Variants in NRK observed in about 807,000 individuals in gnomAD.
NRK encodes the protein Nik related kinase.
NRK carries 67 observed loss-of-function variants against 125.2 expected under a neutral mutation model. The ratio of observed to expected loss-of-function variants is 0.54; its 90% CI spans 0.44 to 0.66. The LOEUF is 0.66. Ranked by LOEUF, NRK falls within the 30% of genes least tolerant of loss-of-function variation. The probability of loss-of-function intolerance (pLI) is 0.00; values close to 1 mark genes in which losing one functional copy is unlikely to be tolerated. For synonymous variants in NRK, 458 were observed against 429.0 expected (o/e 1.07, Z -0.84); for missense variants, 1,224 against 1,192.9 (o/e 1.03, Z -0.38).
intron 16 of NRK, among the ~76,000 whole-genome samples, chrX:105,920,159 C>T (rs1193325549): frequency 2.9e-4 from 30 of 103,189 alleles, no homozygotes; most frequent in East Asian, 1.2e-3. Flanking sequence ...GAATCCTTTC[C>T]CCATTGCTTG....
chrX:105,886,024 T>C (rs1171957545), intron 4 of NRK, among the ~76,000 whole-genome samples: 1 of 110,404 alleles, frequency 9.1e-6, no homozygotes, highest in Non-Finnish European at 1.9e-5. Flanking sequence ...ATGCCTATGG[T>C]AGGTGTTTTT....
In NRK at chrX:105,944,033, G is replaced by A. The variant is rs771829090; in HGVS notation, c.4051G>A (p.Ala1351Thr). 9.2e-7 allele frequency: 1 copy of A among 1,081,280 alleles called. No homozygotes were observed. The highest frequency in any genetic ancestry group is 2.0e-5 in the South Asian group (1 of 48,882). The allele number at this position is 1,081,280 out of a possible 1,213,427, so 89.1% of individuals were successfully genotyped here. ...ACCAAAGTCCTTTGATGAAAGCACTGCTATTAAAGTGAGTGAGCTCCTTTT... is the reference window on the plus strand; with the variant it reads ...ACCAAAGTCCTTTGATGAAAGCACTACTATTAAAGTGAGTGAGCTCCTTTT... Reference protein sequence around the residue: ...WAPKSFDESTAIKVCIDQSAD... With the variant: ...WAPKSFDESTTIKVCIDQSAD... Residue 1351 changes from alanine to threonine, a missense_variant, in exon 24 of 29, where the codon GCT (alanine) becomes ACT (threonine). Coordinates refer to ENST00000243300, the MANE Select transcript of NRK (RefSeq NM_198465.4).
chrX:105,895,363 C>CAGAAAGAAAGAA (rs111844831), intron 6 of NRK, 70 bp from the exon 7 acceptor site: 41 of 776,607 alleles, frequency 5.3e-5, no homozygotes, highest in Middle Eastern at 2.9e-4. Flanking sequence ...AGAACTGTAC[C>CAGAAAGAAAGAA]AGAAAGAAAG....
chrX:105,862,042 G>A (rs747112758), intron 2 of NRK, among the ~76,000 whole-genome samples: 5 of 109,876 alleles, frequency 4.6e-5, no homozygotes, highest in Admixed American at 9.6e-5. Flanking sequence ...CAGCCTGTGC[G>A]GCACAGCAAG....
chrX:105,822,729 C>T lies in NRK; in HGVS notation c.-117C>T. 1.4e-6 allele frequency: 1 copy of T among 697,056 alleles called. No homozygotes were observed. The highest frequency in any genetic ancestry group is 2.3e-6 in the Non-Finnish European group (1 of 444,429). The allele number at this position is 697,056 out of a possible 1,213,427, so 57.4% of individuals were successfully genotyped here. A position where few individuals can be genotyped will look rare whatever the true frequency, so the allele number is the denominator to read the frequency against. On this transcript the variant is annotated 5_prime_UTR_variant, in exon 1 of 29. Transcript: ENST00000243300. Reference sequence around the variant, plus strand: ...CACGCCACGAACCCCGATCCCCAGACTCCTCTCTCCCGCCCTCCTCCTTCC... The same window carrying T: ...CACGCCACGAACCCCGATCCCCAGATTCCTCTCTCCCGCCCTCCTCCTTCC...
At chrX:105,944,298 A>G (rs1328178163) in intron 24 of NRK, among the ~76,000 whole-genome samples, 1 of 111,227 alleles carries the variant, frequency 9.0e-6, no homozygotes, top group Non-Finnish European at 1.9e-5. Flanking sequence ...GGCTCAAGCC[A>G]TCCTCCCACC....
chrX:105,854,601 T>C (rs1169345512), intron 2 of NRK, among the ~76,000 whole-genome samples: 1 of 111,985 alleles, frequency 8.9e-6, no homozygotes, highest in Admixed American at 9.5e-5. Flanking sequence ...TGAGCCCAAG[T>C]TGACTGAACC....
At chrX:105,881,240 G>A (rs1406541849) in intron 3 of NRK, among the ~76,000 whole-genome samples, 1 of 111,412 alleles carries the variant, frequency 9.0e-6, no homozygotes, top group Non-Finnish European at 1.9e-5. Context: ...TTGATGTTTT[G>A]TAGATTTATT....
intron 11 of NRK, chrX:105,908,012 C>A: frequency 4.0e-6 from 1 of 248,161 alleles, no homozygotes; most frequent in South Asian, 1.9e-4. Flanking sequence ...TAAATTTTCT[C>A]TGTTCAGAGA....
chrX:105,942,465 G>A (rs2147790629), intron 23 of NRK, among the ~76,000 whole-genome samples: 1 of 111,559 alleles, frequency 9.0e-6, no homozygotes, highest in African/African-American at 3.3e-5. Context: ...GTTTCAATTT[G>A]CAGTTCCCTC....
chrX:105,928,366 G>T (rs1215635466), intron 19 of NRK, among the ~76,000 whole-genome samples: 3 of 110,414 alleles, frequency 2.7e-5, no homozygotes, highest in African/African-American at 9.8e-5. Flanking sequence ...TTTTATTTGG[G>T]TCTTTTATAC....
chrX:105,858,912 A>G (rs896477101), intron 2 of NRK, among the ~76,000 whole-genome samples: 1 of 111,407 alleles, frequency 9.0e-6, no homozygotes, highest in Non-Finnish European at 1.9e-5. Context: ...CCAGTGTAAA[A>G]CAAGACTGTT....
At chrX:105,924,369 A>C (rs901496962) in intron 18 of NRK, among the ~76,000 whole-genome samples, 1 of 111,712 alleles carries the variant, frequency 9.0e-6, no homozygotes, top group Admixed American at 9.5e-5. Flanking sequence ...TAATGCATGA[A>C]ATAGTATATA....
At chrX:105,922,083 T>G (rs1472377518) in intron 17 of NRK, 22 bp downstream of exon 17, 1 of 732,766 alleles carries the variant, frequency 1.4e-6, no homozygotes, top group Non-Finnish European at 2.1e-6. Flanking sequence ...TCTTAACACA[T>G]TAATGTCTAT....
At chrX:105,837,472 C>G (rs141978292) in intron 2 of NRK, among the ~76,000 whole-genome samples, 18 of 111,504 alleles carry the variant, frequency 1.6e-4, no homozygotes, top group African/African-American at 5.5e-4. Context: ...AGGCTTCGTT[C>G]CCTGGCAGGT....
At chrX:105,891,172 T>C (rs2040012356) in intron 5 of NRK, among the ~76,000 whole-genome samples, 1 of 111,685 alleles carries the variant, frequency 9.0e-6, no homozygotes, top group African/African-American at 3.3e-5. Flanking sequence ...AATGGTAAGT[T>C]GACTTATCCT....
At chrX:105,886,976 A>C (rs932455538) in intron 4 of NRK, among the ~76,000 whole-genome samples, 2 of 111,335 alleles carry the variant, frequency 1.8e-5, no homozygotes, top group African/African-American at 6.5e-5. Context: ...AGCTAAAACT[A>C]TAAAATGCTT....
chrX:105,823,975 A>G (rs2147626210), intron 1 of NRK, among the ~76,000 whole-genome samples: 1 of 112,455 alleles, frequency 8.9e-6, no homozygotes, highest in South Asian at 3.7e-4. Flanking sequence ...ACTTAATTTT[A>G]CACATATTTG....
chrX:105,930,008 C>G (rs912214973), intron 19 of NRK, among the ~76,000 whole-genome samples: 2 of 111,594 alleles, frequency 1.8e-5, no homozygotes, highest in African/African-American at 3.3e-5. Flanking sequence ...TTAGTATTCT[C>G]TCTTTGTCAC....
Sources: allele counts gnomAD v4.1 joint callset (sites outside exome capture counted in the v4.1 genomes callset), GRCh38; gene constraint gnomAD v4.1.1; transcripts MANE v1.5; gene names NCBI Gene and HGNC (gene_info 2026-07-23, HGNC 2026-07-21).